Variants in CFAP47 observed in about 807,000 individuals in gnomAD.
CFAP47 encodes cilia and flagella associated protein 47.
Under a neutral mutation model 148.1 loss-of-function variants are expected in CFAP47, and 29 were observed. The ratio of observed to expected loss-of-function variants is 0.20; its 90% CI spans 0.15 to 0.27. The LOEUF is 0.27. CFAP47 is among the 10% of genes least tolerant of loss of function. CFAP47 has a pLI of 1.00. For missense variants in CFAP47, 1,872 were observed against 1,697.5 expected, an observed-to-expected ratio of 1.10 and a Z score of -1.81; for synonymous variants, 664 against 577.3, an observed-to-expected ratio of 1.15 and a Z score of -2.15.
intron 26 of CFAP47, among the ~76,000 whole-genome samples, chrX:36,056,919 C>T (rs1175887996): frequency 8.9e-6 from 1 of 112,301 alleles, no homozygotes; most frequent in Non-Finnish European, 1.9e-5. Context: ...CCTCACTGGG[C>T]TTGCATAGCT....
chrX:36,090,872 A>G (rs1486381273), intron 30 of CFAP47, among the ~76,000 whole-genome samples: 6 of 111,843 alleles, frequency 5.4e-5, no homozygotes, highest in South Asian at 3.7e-4. Context: ...TTTTTAAGAA[A>G]CAAATTTTTT....
At chrX:36,103,515 A>AAC (rs1430949710) in intron 32 of CFAP47, among the ~76,000 whole-genome samples, 10 of 102,014 alleles carry the variant, frequency 9.8e-5, no homozygotes, top group African/African-American at 3.6e-4. Context: ...AAAAAAAAAA[A>AAC]AAAAAAAAAA....
At chrX:36,062,663 G>A (rs1937603864) in intron 26 of CFAP47, among the ~76,000 whole-genome samples, 1 of 111,129 alleles carries the variant, frequency 9.0e-6, no homozygotes, top group African/African-American at 3.3e-5. Context: ...TTCCAGCATA[G>A]GAAAATCCGT....
intron 30 of CFAP47, among the ~76,000 whole-genome samples, chrX:36,094,259 GT>G (rs760568283): frequency 4.8e-4 from 53 of 111,094 alleles, no homozygotes; most frequent in African/African-American, 1.7e-3. Flanking sequence ...GTAACACACT[GT>G]TTTGGTTACT....
intron 3 of CFAP47, among the ~76,000 whole-genome samples, chrX:35,945,097 A>C (rs1167487349): frequency 2.7e-5 from 3 of 111,560 alleles, no homozygotes; most frequent in Non-Finnish European, 5.7e-5. Flanking sequence ...ATCATTTACT[A>C]TCTGGGAGGC....
intron 49 of CFAP47, among the ~76,000 whole-genome samples, chrX:36,259,839 T>G (rs1370188874): frequency 1.8e-5 from 2 of 111,493 alleles, no homozygotes; most frequent in Non-Finnish European, 3.8e-5. Flanking sequence ...CCTGATAAGT[T>G]GCCTTCCAAC....
chrX:36,023,291 A>C (rs1214643173), intron 22 of CFAP47, among the ~76,000 whole-genome samples: 1 of 112,059 alleles, frequency 8.9e-6, no homozygotes, highest in Non-Finnish European at 1.9e-5. Flanking sequence ...TGATCTTTTC[A>C]TTACTTTCTC....
chrX:36,376,931 G>A (rs1471078304), intron 62 of CFAP47, among the ~76,000 whole-genome samples: 9 of 109,866 alleles, frequency 8.2e-5, no homozygotes, highest in African/African-American at 2.0e-4. Flanking sequence ...AGCTTCATCC[G>A]TGTCCCTACA....
chrX:35,942,427 T>A (rs1246063479), intron 3 of CFAP47, among the ~76,000 whole-genome samples: 1 of 111,233 alleles, frequency 9.0e-6, no homozygotes. Context: ...TATGCTTTGG[T>A]TTTTAAATGA....
chrX:36,229,933 C>T, intron 46 of CFAP47, among the ~76,000 whole-genome samples: 1 of 103,707 alleles, frequency 9.6e-6, no homozygotes, highest in South Asian at 4.6e-4. Flanking sequence ...CTACAAAGGA[C>T]ATGAACTCAT....
In CFAP47 at chrX:36,301,159, A is replaced by G. The variant is rs782633022; in HGVS notation, c.7950A>G (p.Glu2650=). ...TACCAAAACCAACCACAATGCCAGAAATACAGTGCGACCTTGGCAAGTAAG... is the reference window on the plus strand; with the variant it reads ...TACCAAAACCAACCACAATGCCAGAGATACAGTGCGACCTTGGCAAGTAAG... ...IELPKPTTMP[E]IQCDLGKHVT... Residue 2650 remains glutamate, a synonymous_variant, in exon 53 of 64, where the codon GAA becomes GAG. Coordinates refer to ENST00000378653, the MANE Select transcript of CFAP47 (RefSeq NM_001304548.2). 10 of 1,139,073 alleles carry G rather than the reference A, an allele frequency of 8.8e-6. No homozygotes were observed. The highest frequency in any genetic ancestry group is 1.2e-5 in the Non-Finnish European group (10 of 850,233). The allele number at this position is 1,139,073 out of a possible 1,213,427, so 93.9% of individuals were successfully genotyped here.
chrX:36,095,979 T>C (rs1938268901), intron 30 of CFAP47, among the ~76,000 whole-genome samples: 1 of 111,241 alleles, frequency 9.0e-6, no homozygotes, highest in Admixed American at 9.6e-5. Context: ...CTTTTTGAAG[T>C]ATGTACTTAC....
chrX:35,989,274 T>C, intron 15 of CFAP47, 45 bp from the exon 16 acceptor site: 2 of 1,001,305 alleles, frequency 2.0e-6, no homozygotes, highest in Non-Finnish European at 2.8e-6. Flanking sequence ...AGAAATACAA[T>C]TAAAATGTGG....
chrX:35,981,930 G>A (rs993441684), intron 15 of CFAP47, among the ~76,000 whole-genome samples: 1 of 111,549 alleles, frequency 9.0e-6, no homozygotes, highest in African/African-American at 3.3e-5. Flanking sequence ...TAGTGTTGAT[G>A]GGTGTTTAGG....
At chrX:36,357,288 A>G (rs1334813039) in intron 60 of CFAP47, among the ~76,000 whole-genome samples, 3 of 111,783 alleles carry the variant, frequency 2.7e-5, no homozygotes, top group African/African-American at 6.5e-5. Flanking sequence ...TGTAAACCTG[A>G]TAAGTAGGAG....
At chrX:36,146,760 T>TTCTG (rs1421290769) in intron 36 of CFAP47, among the ~76,000 whole-genome samples, 1 of 108,538 alleles carries the variant, frequency 9.2e-6, no homozygotes, top group Admixed American at 9.8e-5. Context: ...GCTACAAAAT[T>TTCTG]GAGAAAGTAT....
chrX:36,376,907 G>A (rs782759086), intron 62 of CFAP47, among the ~76,000 whole-genome samples: 24 of 108,804 alleles, frequency 2.2e-4, no homozygotes, highest in African/African-American at 7.4e-4. Flanking sequence ...AGTTTGCTGA[G>A]AATGATGGTT....
In CFAP47 at chrX:36,321,950, CT is replaced by C. The variant is rs1428782745; in HGVS notation, c.8443+2648del. Reference sequence around the variant, plus strand: ...TCAATTGAAAATTCACCTACATTTTCTTTTTCTTCTCCTTTGTTTTTAATGA... The same window carrying C: ...TCAATTGAAAATTCACCTACATTTTCTTTTCTTCTCCTTTGTTTTTAATGA... On this transcript the variant is annotated intron_variant, in intron 57 of 63. Transcript: ENST00000378653. Among the ~76,000 whole-genome samples the C allele has an allele frequency of 6.3e-5, 7 of 111,249 alleles. No individual in the cohort carries two copies. The South Asian group carries it at 2.6e-3, about 41-fold the overall frequency.
At chrX:36,293,510 G>A (rs189302308) in intron 51 of CFAP47, among the ~76,000 whole-genome samples, 239 of 112,001 alleles carry the variant, frequency 2.1e-3, no homozygotes, top group Non-Finnish European at 3.1e-3. Context: ...AGGTTCCTAC[G>A]TATAGCTGGA....
Sources: gnomAD v4.1 joint callset for allele counts (sites outside exome capture counted in the v4.1 genomes callset) on GRCh38, gnomAD v4.1.1 for gene constraint, MANE v1.5 for transcripts, NCBI Gene and HGNC (gene_info 2026-07-23, HGNC 2026-07-21) for gene names.